The following RPS6KA3 variants were observed in gnomAD, a reference collection of about 807,000 sequenced individuals.
RPS6KA3 encodes ribosomal protein S6 kinase A3, also known as ribosomal protein S6 kinase alpha-3.
A neutral mutation model predicts 67.2 loss-of-function variants in RPS6KA3; 4 were observed. The ratio of observed to expected loss-of-function variants is 0.06; its 90% confidence interval spans 0.03 to 0.14. The LOEUF (loss-of-function observed/expected upper bound fraction) is 0.14. RPS6KA3 is among the 10% of genes least tolerant of loss of function. The pLI is 1.00. For missense variants in RPS6KA3, 204 were observed against 559.0 expected (o/e 0.36, Z 6.40); for synonymous variants, 182 against 183.7 (o/e 0.99, Z 0.07).
intron 1 of RPS6KA3, among the ~76,000 whole-genome samples, chrX:20,258,325 T>C (rs1405752597): frequency 1.8e-5 from 2 of 112,339 alleles, no homozygotes; most frequent in African/African-American, 3.2e-5. Flanking sequence ...TTATTTTACA[T>C]TATTTTCAGA....
chrX:20,254,771 A>T (rs2069990289), intron 1 of RPS6KA3, among the ~76,000 whole-genome samples: 1 of 111,921 alleles, frequency 8.9e-6, no homozygotes, highest in Non-Finnish European at 1.9e-5. Context: ...GAGAAATGCA[A>T]ATCAAAACCA....
chrX:20,186,516 G>A (rs1265427419), intron 9 of RPS6KA3, 150 bp from the exon 10 acceptor site: 10 of 423,449 alleles, frequency 2.4e-5, no homozygotes, highest in African/African-American at 7.8e-5. Context: ...TACCATATTC[G>A]TTACTGAAGT....
chrX:20,179,820 G>C (rs1438395070), intron 10 of RPS6KA3, among the ~76,000 whole-genome samples: 1 of 111,506 alleles, frequency 9.0e-6, no homozygotes, highest in African/African-American at 3.3e-5. Context: ...CTGGTGCATA[G>C]TGGCTCATGC....
intron 7 of RPS6KA3, 65 bp downstream of exon 7, chrX:20,193,422 G>C: frequency 2.9e-6 from 2 of 686,287 alleles, no homozygotes; most frequent in South Asian, 4.7e-5. Flanking sequence ...GAAGCCACTT[G>C]ATTTTTTATA....
At chrX:20,198,278 T>C (rs1770909547) in intron 4 of RPS6KA3, among the ~76,000 whole-genome samples, 1 of 111,749 alleles carries the variant, frequency 8.9e-6, no homozygotes, top group African/African-American at 3.3e-5. Context: ...CAGAGAAAGC[T>C]AAAAATCTAA....
chrX:20,200,115 G>A (rs1035268400), intron 4 of RPS6KA3, among the ~76,000 whole-genome samples: 9 of 112,207 alleles, frequency 8.0e-5, no homozygotes, highest in Non-Finnish European at 1.3e-4. Flanking sequence ...TGAAGGAAAT[G>A]TGACTGTAGT....
intron 4 of RPS6KA3, among the ~76,000 whole-genome samples, chrX:20,198,636 C>T (rs972990760): frequency 1.8e-5 from 2 of 111,239 alleles, no homozygotes; most frequent in Non-Finnish European, 3.8e-5. Flanking sequence ...GTATCCGCAA[C>T]AAATAAACTA....
intron 2 of RPS6KA3, among the ~76,000 whole-genome samples, chrX:20,224,859 C>T (rs1279112387): frequency 1.8e-5 from 2 of 111,356 alleles, no homozygotes; most frequent in Non-Finnish European, 3.8e-5. Context: ...CACCATAGCC[C>T]CAGGTCTGAA....
chrX:20,254,444 G>C (rs1280485205), intron 1 of RPS6KA3, among the ~76,000 whole-genome samples: 1 of 111,775 alleles, frequency 8.9e-6, no homozygotes, highest in South Asian at 3.7e-4. Context: ...TTCCACTCTG[G>C]CTGAGAGAAA....
At chrX:20,155,593 A>T in intron 21 of RPS6KA3, 73 bp from the exon 22 acceptor site, 2 of 1,077,139 alleles carry the variant, frequency 1.9e-6, no homozygotes, top group Middle Eastern at 2.5e-4. Flanking sequence ...CAAAATGAAG[A>T]GTTTTTTCAT....
At chrX:20,159,822 C>T (rs1040787604) in intron 20 of RPS6KA3, among the ~76,000 whole-genome samples, 4 of 112,012 alleles carry the variant, frequency 3.6e-5, no homozygotes, top group African/African-American at 1.3e-4. Flanking sequence ...ACAGAATGCA[C>T]TTTAAAAAGG....
At position 20,167,999 on chromosome X, in the gene RPS6KA3, C is replaced by T. The variant is rs113356155; in HGVS notation, c.1444-252G>A. Among the ~76,000 whole-genome samples the T allele has an allele frequency of 1.6e-3, 178 of 112,109 alleles. 1 individual carries two copies. Among genetic ancestry groups the T allele is most frequent in the Middle Eastern group, 9.3e-3 (2 of 215 alleles). On this transcript the variant is annotated intron_variant, in intron 16 of 21. Transcript: ENST00000379565. Reference sequence around the variant, plus strand: ...AGTAGCTGGGACTATAGGCGCATGCCACCACACCTGGCTAATTTTTGCATT... The same window carrying T: ...AGTAGCTGGGACTATAGGCGCATGCTACCACACCTGGCTAATTTTTGCATT...
At chrX:20,258,891 G>C (rs990123594) in intron 1 of RPS6KA3, among the ~76,000 whole-genome samples, 1 of 111,952 alleles carries the variant, frequency 8.9e-6, no homozygotes, top group Non-Finnish European at 1.9e-5. Context: ...ACTCCAGGCA[G>C]GGCAGTAGGC....
At chrX:20,197,697 TA>T (rs1447628436) in intron 4 of RPS6KA3, among the ~76,000 whole-genome samples, 33 of 112,181 alleles carry the variant, frequency 2.9e-4, no homozygotes, top group Admixed American at 2.6e-3. Flanking sequence ...GCCTGTGTCA[TA>T]ATTCTAATCT....
intron 16 of RPS6KA3, 51 bp from the exon 17 acceptor site, chrX:20,167,798 C>A: frequency 1.3e-6 from 1 of 793,760 alleles, no homozygotes; most frequent in East Asian, 3.2e-5. Flanking sequence ...TATATGTGCC[C>A]AAAACGAAGT....
At chrX:20,258,169 T>C (rs1017112887) in intron 1 of RPS6KA3, among the ~76,000 whole-genome samples, 4 of 111,920 alleles carry the variant, frequency 3.6e-5, no homozygotes, top group Admixed American at 2.8e-4. Context: ...TGGTAGCCAA[T>C]AGCCACTGGT....
chrX:20,155,281 A>G lies in RPS6KA3; in HGVS notation c.*117T>C. The G allele has an allele frequency of 1.2e-6, 1 of 817,053 alleles. No individual in the cohort carries two copies. The highest frequency in any genetic ancestry group is 1.9e-6 in the Non-Finnish European group (1 of 537,517). 67.3% of individuals were successfully genotyped at this position (817,053 alleles called of 1,213,427 possible). On this transcript the variant is annotated 3_prime_UTR_variant, in exon 22 of 22. Transcript: ENST00000379565. The stretch of plus-strand genomic sequence containing the variant: ...GAGCAGCAGCAGGAACAGCAGCATT[A>G]TGGGTACCAGCTGGGACAGTGTGTG...
intron 3 of RPS6KA3, among the ~76,000 whole-genome samples, chrX:20,206,123 A>T (rs1024153737): frequency 7.2e-5 from 8 of 111,757 alleles, no homozygotes; most frequent in African/African-American, 2.6e-4. Flanking sequence ...CAGCAGGAGC[A>T]GCAGCGGTCC....
rs1450175584 is a variant in RPS6KA3, at chrX:20,153,113, T to C, written c.*2285A>G. ...ACAATACTCCTAAGCAATTACGGAG[T>C]AGCATCAGTGTAAAAAAATCTGAAA... On this transcript the variant is annotated 3_prime_UTR_variant, in exon 22 of 22. Transcript: ENST00000379565. The C allele has an allele frequency of 2.7e-5, 3 of 111,564 alleles. No homozygotes were observed. Among genetic ancestry groups the C allele is most frequent in the Non-Finnish European group, 3.8e-5 (2 of 53,092 alleles). 9.2% of individuals were successfully genotyped at this position (111,564 alleles called of 1,213,427 possible). A position where few individuals can be genotyped will look rare whatever the true frequency, so the allele number is the denominator to read the frequency against.
Sources: allele counts gnomAD v4.1 joint callset (sites outside exome capture counted in the v4.1 genomes callset), GRCh38; gene constraint gnomAD v4.1.1; transcripts MANE v1.5; gene names NCBI Gene and HGNC (gene_info 2026-07-23, HGNC 2026-07-21).